The following PLS1 variants were observed in gnomAD, a reference collection of about 807,000 sequenced individuals.
PLS1 encodes plastin-1.
In PLS1, 32 loss-of-function variants were observed where a neutral mutation model predicts 73.7. That is an observed-to-expected ratio of 0.43 (90% CI 0.33 to 0.58). The LOEUF (loss-of-function observed/expected upper bound fraction) is 0.58. Ranked by LOEUF, PLS1 falls within the 20% of genes least tolerant of loss-of-function variation. PLS1 has a pLI of 0.04. For synonymous variants in PLS1, 217 were observed against 261.3 expected, an observed-to-expected ratio of 0.83 and a Z score of 1.63; for missense variants, 633 against 740.5, an observed-to-expected ratio of 0.85 and a Z score of 1.68.
chr3:142,656,471 A>G (rs2037239251), intron 1 of PLS1: 1 of 152,264 alleles, frequency 6.6e-6, no homozygotes, highest in Non-Finnish European at 1.5e-5. Context: ...ATCCCAATTC[A>G]TACTTATATT....
At chr3:142,677,762 A>G (rs1433316467) in intron 5 of PLS1, among the ~76,000 whole-genome samples, 1 of 152,176 alleles carries the variant, frequency 6.6e-6, no homozygotes, top group African/African-American at 2.4e-5. Context: ...TTAAGAATTA[A>G]GTTCCGGCAT....
At chr3:142,599,453 C>T (rs1363371453) in intron 1 of PLS1, among the ~76,000 whole-genome samples, 2 of 151,456 alleles carry the variant, frequency 1.3e-5, no homozygotes, top group Middle Eastern at 3.4e-3. Context: ...CCTCAGCCTC[C>T]CGAGTAGCTG....
intron 1 of PLS1, among the ~76,000 whole-genome samples, chr3:142,606,264 G>T (rs1381423079): frequency 6.6e-6 from 1 of 152,152 alleles, no homozygotes; most frequent in Admixed American, 6.5e-5. Context: ...GATTCATTTA[G>T]AACTTCTTTA....
At chr3:142,698,317 CTGTAAA>C (rs893684975) in intron 12 of PLS1, 2 of 313,840 alleles carry the variant, frequency 6.4e-6, no homozygotes, top group Non-Finnish European at 1.2e-5. Flanking sequence ...TTGAGATGTC[CTGTAAA>C]TGTATTCTTT....
intron 1 of PLS1, among the ~76,000 whole-genome samples, chr3:142,631,664 G>GAAAAAA (rs71153981): frequency 7.6e-5 from 3 of 39,448 alleles, no homozygotes; most frequent in African/African-American, 2.0e-4. Flanking sequence ...CCTGTCTCTA[G>GAAAAAA]AAAAAAAAAA....
In PLS1 at chr3:142,684,130, A is replaced by C. The variant is rs1436201101; in HGVS notation, c.704A>C (p.Lys235Thr). Residue 235 changes from lysine to threonine, a missense_variant, in exon 7 of 16, where the codon AAA (lysine) becomes ACA (threonine). Coordinates refer to ENST00000457734, the MANE Select transcript of PLS1 (RefSeq NM_001145319.2). Reference protein sequence around the residue: ...LVLGLLWQIIKVGLFADIEIS... With the variant: ...LVLGLLWQIITVGLFADIEIS... The stretch of plus-strand genomic sequence containing the variant: ...TTGGGACTTCTCTGGCAGATCATCA[A>C]AGTTGGCCTTTTTGCTGATATTGAG... 6.2e-7 allele frequency: 1 copy of C among 1,614,094 alleles called. No individual in the cohort carries two copies. Among genetic ancestry groups the C allele is most frequent in the Non-Finnish European group, 8.5e-7 (1 of 1,179,982 alleles).
intron 2 of PLS1, among the ~76,000 whole-genome samples, chr3:142,667,452 C>T (rs2037503589): frequency 6.6e-6 from 1 of 152,074 alleles, no homozygotes. Flanking sequence ...GTTCTTATCG[C>T]TCCACTGCAC....
intron 1 of PLS1, among the ~76,000 whole-genome samples, chr3:142,598,391 A>G (rs768505463): frequency 6.6e-6 from 1 of 152,166 alleles, no homozygotes; most frequent in Non-Finnish European, 1.5e-5. Context: ...TGTGTTCTAT[A>G]ATATGGGGAA....
At chr3:142,614,806 T>A (rs979832227) in intron 1 of PLS1, among the ~76,000 whole-genome samples, 2 of 152,156 alleles carry the variant, frequency 1.3e-5, no homozygotes, top group African/African-American at 4.8e-5. Flanking sequence ...TTTTCTGTTT[T>A]ATGGAGGAGG....
intron 1 of PLS1, among the ~76,000 whole-genome samples, chr3:142,602,600 C>T (rs948814484): frequency 3.4e-5 from 5 of 147,072 alleles, no homozygotes; most frequent in African/African-American, 1.3e-4. Flanking sequence ...AATTTAAAGG[C>T]CCCCCCCACC....
At chr3:142,694,428 T>C in intron 10 of PLS1, 41 bp from the exon 11 acceptor site, 2 of 1,298,104 alleles carry the variant, frequency 1.5e-6, no homozygotes, top group Non-Finnish European at 2.2e-6. Flanking sequence ...TCCTGGTTCC[T>C]TTTGTCCTGA....
At chr3:142,680,194 G>A (rs563733520) in intron 6 of PLS1, among the ~76,000 whole-genome samples, 1 of 152,158 alleles carries the variant, frequency 6.6e-6, no homozygotes, top group African/African-American at 2.4e-5. Flanking sequence ...TTCCTGAGTT[G>A]TTAGGGCTAT....
Position 142,711,588 on chromosome 3 carries a change from GA to G in PLS1, c.1721del (p.Asn574ThrfsTer8). 2 of 1,608,748 alleles carry G rather than the reference GA, an allele frequency of 1.2e-6. No homozygotes were observed. The highest frequency in any genetic ancestry group is 1.7e-6 in the Non-Finnish European group (2 of 1,176,132). On this transcript the variant is annotated frameshift_variant, in exon 15 of 16. Coordinates refer to ENST00000457734, the MANE Select transcript of PLS1 (RefSeq NM_001145319.2). LOFTEE classifies it high-confidence loss of function. ...AGTTCGTCAAGAAATGATCAGGAGA[GA>G]AAACTTATCTGATGAGGACAAGCTG... The part of the protein sequence containing the change: ...NAVRQEMIRR[E>X]NLSDEDKLNN...
chr3:142,680,176 A>G (rs1371096626), intron 6 of PLS1, among the ~76,000 whole-genome samples: 1 of 152,154 alleles, frequency 6.6e-6, no homozygotes, highest in African/African-American at 2.4e-5. Context: ...TGATCCTCCA[A>G]CCTCAGCTTC....
chr3:142,638,929 C>T (rs545049657), intron 1 of PLS1, among the ~76,000 whole-genome samples: 15 of 152,044 alleles, frequency 9.9e-5, no homozygotes, highest in African/African-American at 2.9e-4. Context: ...TTAGTAGAGA[C>T]GGAGTTTCTC....
intron 1 of PLS1, among the ~76,000 whole-genome samples, chr3:142,641,058 G>A (rs903715016): frequency 6.6e-6 from 1 of 151,136 alleles, no homozygotes; most frequent in Admixed American, 6.6e-5. Flanking sequence ...GCTTTGAGAG[G>A]CTGAGGTGGG....
At chr3:142,655,655 G>T (rs535127530) in intron 1 of PLS1, among the ~76,000 whole-genome samples, 2 of 150,908 alleles carry the variant, frequency 1.3e-5, no homozygotes, top group South Asian at 4.2e-4. Context: ...CTGGGAGGTG[G>T]AGGTTGCAGT....
intron 6 of PLS1, 92 bp from the exon 7 acceptor site, chr3:142,683,914 A>G (rs2037906883): frequency 1.2e-6 from 1 of 834,162 alleles, no homozygotes; most frequent in African/African-American, 1.7e-5. Context: ...TAAATCTGAA[A>G]TTTGGCAGTC....
chr3:142,692,742 A>G (rs1490720687), intron 10 of PLS1, among the ~76,000 whole-genome samples: 1 of 152,132 alleles, frequency 6.6e-6, no homozygotes, highest in Admixed American at 6.5e-5. Flanking sequence ...TTTTAATTAA[A>G]AATTAAACCA....
Sources: gnomAD v4.1 joint callset for allele counts (sites outside exome capture counted in the v4.1 genomes callset) on GRCh38, gnomAD v4.1.1 for gene constraint, MANE v1.5 for transcripts, NCBI Gene and HGNC (gene_info 2026-07-23, HGNC 2026-07-21) for gene names.